The following GLRA2 variants were observed in gnomAD, a reference collection of about 807,000 sequenced individuals.
GLRA2 encodes the protein glycine receptor alpha 2.
Under a neutral mutation model 31.6 loss-of-function variants are expected in GLRA2, and 11 were observed. The ratio of observed to expected loss-of-function variants is 0.35; its 90% CI spans 0.22 to 0.58. The LOEUF (loss-of-function observed/expected upper bound fraction) is 0.58. GLRA2 is among the 20% of genes least tolerant of loss of function. The pLI is 0.84. For missense variants in GLRA2, 212 were observed against 351.8 expected (o/e 0.60, Z 3.18); for synonymous variants, 132 against 134.0 (o/e 0.99, Z 0.10).
chrX:14,605,266 A>G (rs1444614647), intron 5 of GLRA2, among the ~76,000 whole-genome samples: 1 of 111,839 alleles, frequency 8.9e-6, no homozygotes, highest in Non-Finnish European at 1.9e-5. Flanking sequence ...GAATATATGT[A>G]AAAAGACTTA....
intron 8 of GLRA2, among the ~76,000 whole-genome samples, chrX:14,714,375 C>A (rs1398694346): frequency 1.8e-5 from 2 of 111,204 alleles, no homozygotes; most frequent in East Asian, 5.7e-4. Context: ...AAGCTCAGTT[C>A]CCAAGAACAA....
chrX:14,544,747 T>C (rs1833285321), intron 2 of GLRA2, among the ~76,000 whole-genome samples: 1 of 111,698 alleles, frequency 9.0e-6, no homozygotes, highest in Non-Finnish European at 1.9e-5. Context: ...TGAAATGTCT[T>C]TGAAATATCA....
chrX:14,589,313 T>C (rs751580166), intron 4 of GLRA2, among the ~76,000 whole-genome samples: 19 of 110,081 alleles, frequency 1.7e-4, no homozygotes, highest in Middle Eastern at 4.7e-3. Flanking sequence ...CAAAAGATTT[T>C]TCTGTGTCTA....
intron 7 of GLRA2, among the ~76,000 whole-genome samples, chrX:14,620,202 G>C (rs960843114): frequency 9.2e-6 from 1 of 109,267 alleles, no homozygotes; most frequent in Admixed American, 9.8e-5. Context: ...GTTTAGATAA[G>C]AGGGCATCAA....
intron 4 of GLRA2, among the ~76,000 whole-genome samples, chrX:14,589,893 A>C (rs1601742782): frequency 9.1e-6 from 1 of 109,886 alleles, no homozygotes; most frequent in Non-Finnish European, 1.9e-5. Context: ...TAAGAGCTTG[A>C]GCTTTGTTTC....
At chrX:14,458,699 G>A in the GLRA2 span, among the ~76,000 whole-genome samples, 159 of 111,734 alleles carry the variant, frequency 1.4e-3, no homozygotes, top group Non-Finnish European at 1.8e-3. Flanking sequence ...CATATCCTTC[G>A]CCCACTTGTT....
At chrX:14,475,965 A>G in the GLRA2 span, among the ~76,000 whole-genome samples, 1 of 111,463 alleles carries the variant, frequency 9.0e-6, no homozygotes, top group Non-Finnish European at 1.9e-5. Flanking sequence ...AATGCGTAAT[A>G]AATGCCTCTT....
intron 3 of GLRA2, among the ~76,000 whole-genome samples, chrX:14,579,600 G>A (rs1324774420): frequency 8.9e-6 from 1 of 111,787 alleles, no homozygotes; most frequent in Non-Finnish European, 1.9e-5. Flanking sequence ...AAAGTGCTGG[G>A]ATTACAGGCA....
At chrX:14,480,343 G>T in the GLRA2 span, among the ~76,000 whole-genome samples, 10 of 111,789 alleles carry the variant, frequency 8.9e-5, no homozygotes, top group Admixed American at 1.9e-4. Context: ...AGTTTCTTTT[G>T]CTGTGCAGAA....
the GLRA2 span, among the ~76,000 whole-genome samples, chrX:14,479,507 T>C: frequency 1.3e-4 from 14 of 111,317 alleles, no homozygotes; most frequent in African/African-American, 4.6e-4. Context: ...GAGGATAGCA[T>C]CCAATGGTTA....
At chrX:14,475,789 A>T in the GLRA2 span, among the ~76,000 whole-genome samples, 1 of 110,281 alleles carries the variant, frequency 9.1e-6, no homozygotes, top group African/African-American at 3.4e-5. Flanking sequence ...TTTTCTAATT[A>T]ATTTTTTAAA....
At chrX:14,710,468 A>G (rs2091696278) in intron 8 of GLRA2, among the ~76,000 whole-genome samples, 1 of 112,130 alleles carries the variant, frequency 8.9e-6, no homozygotes, top group African/African-American at 3.2e-5. Flanking sequence ...GTGAGGTAAC[A>G]TGTTACTATA....
intron 7 of GLRA2, among the ~76,000 whole-genome samples, chrX:14,638,189 G>T (rs1174778513): frequency 9.0e-6 from 1 of 111,446 alleles, no homozygotes; most frequent in Non-Finnish European, 1.9e-5. Flanking sequence ...ATTTGGAGAA[G>T]TATGAAAAGG....
At chrX:14,453,661 TCA>T in the GLRA2 span, among the ~76,000 whole-genome samples, 62 of 111,964 alleles carry the variant, frequency 5.5e-4, no homozygotes, top group South Asian at 1.9e-3. Flanking sequence ...AATTGCCATA[TCA>T]CACAGCAGTT....
intron 8 of GLRA2, among the ~76,000 whole-genome samples, chrX:14,712,909 G>A (rs1206868244): frequency 8.9e-6 from 1 of 111,918 alleles, no homozygotes; most frequent in Non-Finnish European, 1.9e-5. Context: ...CTTCCTTTCT[G>A]CTTTCCAGAT....
chrX:14,541,438 A>C (rs2089402379), intron 2 of GLRA2, among the ~76,000 whole-genome samples: 1 of 111,692 alleles, frequency 9.0e-6, no homozygotes, highest in Admixed American at 9.5e-5. Flanking sequence ...AAAGCCCAGG[A>C]CTACTTTACC....
the GLRA2 span, among the ~76,000 whole-genome samples, chrX:14,516,629 A>G: frequency 9.0e-6 from 1 of 111,646 alleles, no homozygotes; most frequent in Non-Finnish European, 1.9e-5. Context: ...ATACATAACT[A>G]GTAAAATGCA....
intron 8 of GLRA2, among the ~76,000 whole-genome samples, chrX:14,710,261 T>C (rs2091693379): frequency 8.9e-6 from 1 of 112,119 alleles, no homozygotes; most frequent in Admixed American, 9.4e-5. Context: ...CAAACAGCAT[T>C]GACTTTCATC....
At chrX:14,486,158 G>A in the GLRA2 span, among the ~76,000 whole-genome samples, 2 of 111,101 alleles carry the variant, frequency 1.8e-5, no homozygotes, top group African/African-American at 6.6e-5. Context: ...GGAAATGAGA[G>A]ATACAAGAAA....
Sources: gnomAD v4.1 joint callset for allele counts (sites outside exome capture counted in the v4.1 genomes callset) on GRCh38, gnomAD v4.1.1 for gene constraint, MANE v1.5 for transcripts, NCBI Gene and HGNC (gene_info 2026-07-23, HGNC 2026-07-21) for gene names.